FBXW11: variants seen among roughly 807,000 people sequenced by gnomAD.
The protein encoded by FBXW11 is F-box/WD repeat-containing protein 11.
Under a neutral mutation model 77.6 loss-of-function variants are expected in FBXW11, and 19 were observed. That is an observed-to-expected ratio of 0.24 (90% CI 0.17 to 0.36). The LOEUF is 0.36. FBXW11 is among the 10% of genes least tolerant of loss of function. FBXW11 has a pLI of 1.00. For synonymous variants in FBXW11, 235 were observed against 249.4 expected (o/e 0.94, Z 0.54); for missense variants, 334 against 704.2 (o/e 0.47, Z 5.95).
chr5:171,971,236 A>G (rs146151976), intron 1 of FBXW11, among the ~76,000 whole-genome samples: 1 of 152,352 alleles, frequency 6.6e-6, no homozygotes, highest in East Asian at 1.9e-4. Context: ...AATAAAGTCA[A>G]TCTATAGGTT....
chr5:171,997,054 G>A, intron 1 of FBXW11: 1 of 1,289,796 alleles, frequency 7.8e-7, no homozygotes, highest in South Asian at 1.2e-5. Context: ...TTCGGTAACT[G>A]TTGAAAGACA....
chr5:172,006,619 A>AGCCC lies in FBXW11; in HGVS notation c.-121_-118dup. On this transcript the variant is annotated 5_prime_UTR_variant, in exon 1 of 14. Coordinates refer to ENST00000517395, the MANE Select transcript of FBXW11 (RefSeq NM_001378974.1). Reference sequence around the variant, plus strand: ...GGCTATCGCACCCACTCTAGCTGCCAGCCCGCCCGGGCCGCCGGCAGCTCC... The same window carrying AGCCC: ...GGCTATCGCACCCACTCTAGCTGCCAGCCCGCCCGCCCGGGCCGCCGGCAGCTCC... 7.7e-7 allele frequency: 1 copy of AGCCC among 1,301,102 alleles called. No homozygotes were observed. The highest frequency in any genetic ancestry group is 9.8e-7 in the Non-Finnish European group (1 of 1,023,340). 80.6% of individuals were successfully genotyped at this position (1,301,102 alleles called of 1,614,324 possible). A position where few individuals can be genotyped will look rare whatever the true frequency, so the allele number is the denominator to read the frequency against.
chr5:171,879,775 A>G (rs1758379738), intron 7 of FBXW11, among the ~76,000 whole-genome samples: 1 of 152,198 alleles, frequency 6.6e-6, no homozygotes, highest in African/African-American at 2.4e-5. Context: ...GTTAAGGTCT[A>G]TGCCTTATTT....
At chr5:171,988,470 T>G (rs960227325) in intron 1 of FBXW11, among the ~76,000 whole-genome samples, 3 of 152,004 alleles carry the variant, frequency 2.0e-5, no homozygotes, top group Admixed American at 2.0e-4. Context: ...TTGTTAACAC[T>G]GAATAAATAA....
rs1026280784 is a variant in FBXW11 at position 171,869,549 on chromosome 5, C to T, written c.1530+180G>A. On this transcript the variant is annotated intron_variant, in intron 12 of 13. Transcript: ENST00000517395. The surrounding 1 kb of genome is among the most constrained non-coding windows in gnomAD (Gnocchi z 4.1). Reference sequence around the variant, plus strand: ...CATTATGTCTCCCCTTAGGAAAGTGCTCACAGTAATGTAAACATCAAATAT... The same window carrying T: ...CATTATGTCTCCCCTTAGGAAAGTGTTCACAGTAATGTAAACATCAAATAT... 4.6e-5 allele frequency among the ~76,000 whole-genome samples: 7 copies of T among 152,206 alleles called. No homozygotes were observed. The highest frequency in any genetic ancestry group is 7.2e-5 in the African/African-American group (3 of 41,440).
chr5:171,884,831 T>C (rs1346522324), intron 7 of FBXW11, among the ~76,000 whole-genome samples: 3 of 152,222 alleles, frequency 2.0e-5, no homozygotes, highest in Non-Finnish European at 4.4e-5. Flanking sequence ...TGTTATTTTT[T>C]TGCAGCTATT....
intron 2 of FBXW11, among the ~76,000 whole-genome samples, chr5:171,955,136 T>C (rs1020121470): frequency 6.6e-6 from 1 of 152,244 alleles, no homozygotes; most frequent in Non-Finnish European, 1.5e-5. Context: ...CTGTTTTCCC[T>C]TCTAGACGAT....
intron 3 of FBXW11, among the ~76,000 whole-genome samples, chr5:171,913,828 C>CATACACACAT (rs1761046815): frequency 8.5e-6 from 1 of 117,968 alleles, no homozygotes; most frequent in African/African-American, 3.6e-5. Flanking sequence ...TACACACACA[C>CATACACACAT]ACACACACAC....
intron 10 of FBXW11, 46 bp from the exon 11 acceptor site, chr5:171,870,904 T>G (rs1757712593): frequency 7.3e-7 from 1 of 1,376,244 alleles, no homozygotes; most frequent in African/African-American, 1.4e-5. Flanking sequence ...CCACACACGA[T>G]TCACACTATC....
intron 7 of FBXW11, among the ~76,000 whole-genome samples, chr5:171,891,045 C>T (rs1355033946): frequency 6.6e-6 from 1 of 152,032 alleles, no homozygotes; most frequent in Non-Finnish European, 1.5e-5. Context: ...AAAAATAATC[C>T]AGTTTATCTA....
At chr5:171,921,911 T>A (rs1008507729) in intron 2 of FBXW11, among the ~76,000 whole-genome samples, 12 of 152,074 alleles carry the variant, frequency 7.9e-5, no homozygotes, top group African/African-American at 1.9e-4. Flanking sequence ...ACTAATTTTT[T>A]AAAATTTTTC....
chr5:171,925,566 A>C (rs1035783938), intron 2 of FBXW11, among the ~76,000 whole-genome samples: 33 of 152,186 alleles, frequency 2.2e-4, no homozygotes, highest in Admixed American at 3.9e-4. Flanking sequence ...CTACAGCCTC[A>C]GTCTCCTGAG....
Position 171,904,181 on chromosome 5 carries a change from T to C in FBXW11, c.437-4081A>G, listed in dbSNP as rs1304372189. 2.0e-3 allele frequency among the ~76,000 whole-genome samples: 130 copies of C among 66,234 alleles called. 1 individual carries two copies. The highest frequency in any genetic ancestry group is 2.4e-4 in the Non-Finnish European group (8 of 33,792). The allele number at this position is 66,234 out of a possible 152,430, so 43.5% of individuals were successfully genotyped here. A position where few individuals can be genotyped will look rare whatever the true frequency, so the allele number is the denominator to read the frequency against. ...GGTGGCACACGCCTGTAATCCCAGC[T>C]ACTTGGCAGGATGAGGCGCGCGAGA... On this transcript the variant is annotated intron_variant, in intron 4 of 13. Transcript: ENST00000517395. The surrounding 1 kb of genome is among the most constrained non-coding windows in gnomAD (Gnocchi z 4.0).
At chr5:171,919,170 C>T (rs1003250584) in intron 2 of FBXW11, among the ~76,000 whole-genome samples, 5 of 152,146 alleles carry the variant, frequency 3.3e-5, no homozygotes, top group Non-Finnish European at 5.9e-5. Flanking sequence ...TGGTTCTTTA[C>T]TAGAGGTCCA....
At chr5:171,987,294 ATTAC>A (rs1391869939) in intron 1 of FBXW11, among the ~76,000 whole-genome samples, 3 of 152,180 alleles carry the variant, frequency 2.0e-5, no homozygotes, top group African/African-American at 4.8e-5. Context: ...AATACACAGA[ATTAC>A]TTACTTGTCT....
chr5:171,990,916 C>T (rs946263708), intron 1 of FBXW11, among the ~76,000 whole-genome samples: 1 of 152,116 alleles, frequency 6.6e-6, no homozygotes, highest in Admixed American at 6.5e-5. Flanking sequence ...CCCCCCACCT[C>T]CTGGGTTCAA....
At chr5:171,926,611 G>A (rs941045116) in intron 2 of FBXW11, among the ~76,000 whole-genome samples, 4 of 152,148 alleles carry the variant, frequency 2.6e-5, no homozygotes, top group East Asian at 1.9e-4. Flanking sequence ...CGAAGTGCCC[G>A]CTTCCCCTTC....
At chr5:171,881,981 G>A (rs917190521) in intron 7 of FBXW11, among the ~76,000 whole-genome samples, 3 of 151,992 alleles carry the variant, frequency 2.0e-5, no homozygotes, top group East Asian at 1.9e-4. Context: ...CATAGCTAAC[G>A]TAATTATCAA....
intron 7 of FBXW11, among the ~76,000 whole-genome samples, chr5:171,890,765 GA>G (rs1759294697): frequency 2.6e-5 from 4 of 152,150 alleles, no homozygotes; most frequent in Admixed American, 2.6e-4. Flanking sequence ...GAAAGAGGCA[GA>G]AAAGCCCAGG....
Sources: allele counts gnomAD v4.1 joint callset (sites outside exome capture counted in the v4.1 genomes callset), GRCh38; gene constraint gnomAD v4.1.1; non-coding constraint Gnocchi (gnomAD v3.1); transcripts MANE v1.5; gene names NCBI Gene and HGNC (gene_info 2026-07-23, HGNC 2026-07-21).